NUCB2: variants seen among roughly 807,000 people sequenced by gnomAD.
NUCB2 encodes nucleobindin 2.
A neutral mutation model predicts 57.9 loss-of-function variants in NUCB2; 48 were observed. The observed-to-expected ratio is 0.83, with a 90% confidence interval of 0.66 to 1.05. The LOEUF (loss-of-function observed/expected upper bound fraction) is 1.05. Among genes scored for constraint, NUCB2 ranks in the 50% least tolerant of loss-of-function variants. NUCB2 has a pLI of 0.00. For synonymous variants in NUCB2, 139 were observed against 152.1 expected, an observed-to-expected ratio of 0.91 and a Z score of 0.64; for missense variants, 442 against 476.2, an observed-to-expected ratio of 0.93 and a Z score of 0.67.
chr11:17,309,424 ATAAAG>A, intron 5 of NUCB2, 143 bp from the exon 6 acceptor site: 2 of 521,562 alleles, frequency 3.8e-6, no homozygotes, highest in South Asian at 6.2e-5. Flanking sequence ...CGCAGTATTC[ATAAAG>A]TAAATATAAG....
chr11:17,308,770 A>G (rs556158719), intron 5 of NUCB2, among the ~76,000 whole-genome samples: 18 of 152,328 alleles, frequency 1.2e-4, no homozygotes, highest in African/African-American at 4.1e-4. Flanking sequence ...CCTTAAAAAT[A>G]CTTCATAATT....
intron 10 of NUCB2, among the ~76,000 whole-genome samples, chr11:17,312,764 T>C (rs1254089352): frequency 6.6e-6 from 1 of 151,614 alleles, no homozygotes; most frequent in Non-Finnish European, 1.5e-5. Context: ...TGGAGTGCAG[T>C]GGTGCGATCT....
At chr11:17,347,024 A>G (rs990517335) in intron 2 of NUCB2, among the ~76,000 whole-genome samples, 1 of 152,252 alleles carries the variant, frequency 6.6e-6, no homozygotes, top group Non-Finnish European at 1.5e-5. Context: ...GCCATGACAC[A>G]GCCTCAGAAA....
intron 4 of NUCB2, among the ~76,000 whole-genome samples, chr11:17,299,658 C>T (rs955792871): frequency 4.6e-5 from 7 of 152,136 alleles, no homozygotes; most frequent in Non-Finnish European, 8.8e-5. Flanking sequence ...AATCCCAGCA[C>T]TTTGGGAGGC....
At chr11:17,323,442 C>A (rs897025447) in intron 11 of NUCB2, among the ~76,000 whole-genome samples, 1 of 152,108 alleles carries the variant, frequency 6.6e-6, no homozygotes, top group Non-Finnish European at 1.5e-5. Context: ...GATGTATGAT[C>A]TTTTTAATGT....
At position 17,330,235 on chromosome 11, in the gene NUCB2, CA is replaced by C; in HGVS notation, c.1116del (p.Glu373LysfsTer42). On this transcript the variant is annotated frameshift_variant, in exon 12 of 14. Coordinates refer to ENST00000529010, the MANE Select transcript of NUCB2 (RefSeq NM_005013.4). LOFTEE classifies it high-confidence loss of function. This position sits in a 1 kb window ranked among gnomAD's most constrained non-coding sequence, Gnocchi z 4.3. ...LKKKADELQK[Q>X]KEELQRQHDQ... ...GAAGAAGGCAGATGAGCTTCAGAAA[CA>C]AAAAGAAGAGCTACAACGTCAGCAT... 1 of 1,610,564 alleles carries C rather than the reference CA, an allele frequency of 6.2e-7. No individual in the cohort carries two copies.
At chr11:17,288,552 C>T (rs534867) in intron 2 of NUCB2, among the ~76,000 whole-genome samples, 2,496 of 101,196 alleles carry the variant, frequency 0.025, 51 homozygotes, top group Middle Eastern at 0.035. Flanking sequence ...TCTTCTTCTT[C>T]TTTTTTTTTT....
chr11:17,295,388 T>C lies in NUCB2; in HGVS notation c.65T>C (p.Leu22Pro). The C allele has an allele frequency of 6.2e-7, 1 of 1,613,528 alleles. No homozygotes were observed. Among genetic ancestry groups the C allele is most frequent in the Non-Finnish European group, 8.5e-7 (1 of 1,179,678 alleles). ...FLLITCLLTA[L>P]EAVPIDIDKT... ...TTGATTACATGTTTACTTACTGCTC[T>C]TGAAGCTGTGCCTATTGACATAGAC... The change falls in exon 3 of 14, where the codon CTT (leucine) becomes CCT (proline). Residue 22 changes from leucine to proline, a missense_variant. Transcript: ENST00000529010.
intron 5 of NUCB2, among the ~76,000 whole-genome samples, chr11:17,308,396 C>T (rs1009557620): frequency 5.9e-5 from 9 of 152,192 alleles, no homozygotes; most frequent in African/African-American, 1.7e-4. Flanking sequence ...TATTCATATA[C>T]ATGTGAAACA....
chr11:17,348,319 G>GTTTTTTTTT (rs55741571), intron 2 of NUCB2, among the ~76,000 whole-genome samples: 2 of 84,448 alleles, frequency 2.4e-5, no homozygotes, highest in Admixed American at 1.6e-4. Flanking sequence ...TTGTTTTTGT[G>GTTTTTTTTT]TTTTTTTTTT....
At position 17,276,776 on chromosome 11, in the gene NUCB2, T is replaced by G. The variant is rs1174433840; in HGVS notation, c.-208T>G. 2 of 152,308 alleles carry G rather than the reference T, an allele frequency of 1.3e-5. No individual in the cohort carries two copies. Among genetic ancestry groups the G allele is most frequent in the African/African-American group, 4.8e-5 (2 of 41,426 alleles). 9.4% of individuals were successfully genotyped at this position (152,308 alleles called of 1,614,324 possible). On this transcript the variant is annotated 5_prime_UTR_variant, in exon 1 of 14. Coordinates refer to ENST00000529010, the MANE Select transcript of NUCB2 (RefSeq NM_005013.4). ...TGGGCCGGGGGCTGGAGGACAGGTT[T>G]GTGCGCTGGACGCAAGCACCAGGCG...
chr11:17,288,908 C>G (rs1944355933), intron 2 of NUCB2, among the ~76,000 whole-genome samples: 1 of 74,720 alleles, frequency 1.3e-5, no homozygotes, highest in African/African-American at 8.2e-5. Flanking sequence ...CACACACACA[C>G]ACACACACAC....
chr11:17,296,110 G>A lies in NUCB2; in HGVS notation c.151G>A (p.Gly51Arg). ...TTGGTTTCTTAATTTGAAGGATACTGGACTTTATTATGATGAATATCTCAA... is the reference window on the plus strand; with the variant it reads ...TTGGTTTCTTAATTTGAAGGATACTAGACTTTATTATGATGAATATCTCAA... ...ESAKIEPPDT[G>R]LYYDEYLKQV... Residue 51 changes from glycine to arginine, a missense_variant, in exon 4 of 14, where the codon GGA becomes AGA. Gly to Arg is a moderately radical substitution (Grantham distance 125, BLOSUM62 -2). Transcript: ENST00000529010. The A allele has an allele frequency of 1.1e-5, 17 of 1,597,188 alleles. No individual in the cohort carries two copies. Among genetic ancestry groups the A allele is most frequent in the Non-Finnish European group, 1.5e-5 (17 of 1,167,644 alleles).
At chr11:17,339,649 A>G (rs1952091527) in intron 2 of NUCB2, among the ~76,000 whole-genome samples, 2 of 151,924 alleles carry the variant, frequency 1.3e-5, no homozygotes, top group Admixed American at 6.6e-5. Flanking sequence ...GATGGTTTCC[A>G]GCTTCATTCA....
chr11:17,345,643 G>C (rs1952669864), intron 2 of NUCB2, among the ~76,000 whole-genome samples: 1 of 152,142 alleles, frequency 6.6e-6, no homozygotes, highest in Non-Finnish European at 1.5e-5. Flanking sequence ...GGAGGCGGAG[G>C]TTGCAGTGAG....
At chr11:17,299,898 G>C (rs1365233836) in intron 4 of NUCB2, among the ~76,000 whole-genome samples, 1 of 140,798 alleles carries the variant, frequency 7.1e-6, no homozygotes, top group Non-Finnish European at 1.6e-5. Flanking sequence ...ACTGGACCCT[G>C]TGTCATAAAA....
At chr11:17,334,500 T>TGGACC (rs1346693469), downstream of NUCB2, 1 of 152,280 alleles carries the variant, frequency 6.6e-6, no homozygotes, top group Non-Finnish European at 1.5e-5. Context: ...TCTGATGGAC[T>TGGACC]GGACCAATCA....
intron 11 of NUCB2, among the ~76,000 whole-genome samples, chr11:17,324,449 T>C (rs1436120514): frequency 6.6e-6 from 1 of 152,198 alleles, no homozygotes; most frequent in Admixed American, 6.5e-5. Flanking sequence ...AATTTTTTTT[T>C]TTGAGACAAA....
At chr11:17,318,676 T>C (rs1035494885) in intron 11 of NUCB2, among the ~76,000 whole-genome samples, 11 of 152,126 alleles carry the variant, frequency 7.2e-5, no homozygotes, top group Non-Finnish European at 1.2e-4. Context: ...AAAAGCCAGT[T>C]TGAAGAAACT....
Sources: gnomAD v4.1 joint callset for allele counts (sites outside exome capture counted in the v4.1 genomes callset) on GRCh38, gnomAD v4.1.1 for gene constraint, Gnocchi (gnomAD v3.1) non-coding constraint, MANE v1.5 for transcripts, NCBI Gene and HGNC (gene_info 2026-07-23, HGNC 2026-07-21) for gene names.